Variants in AGXT2 observed in about 807,000 individuals in gnomAD.
AGXT2 encodes the protein alanine--glyoxylate aminotransferase 2, also known as alanine--glyoxylate aminotransferase 2, mitochondrial.
Under a neutral mutation model 62.5 loss-of-function variants are expected in AGXT2, and 61 were observed. The ratio of observed to expected loss-of-function variants is 0.98; its 90% CI spans 0.79 to 1.21. The LOEUF (loss-of-function observed/expected upper bound fraction) is 1.21, where lower values mean the gene tolerates loss of function less well. Ranked by LOEUF, AGXT2 falls within the 50% of genes most tolerant of loss-of-function variation. The probability of loss-of-function intolerance (pLI) is 0.00; values close to 1 mark genes in which losing one functional copy is unlikely to be tolerated. For missense variants in AGXT2, 666 were observed against 641.5 expected, an observed-to-expected ratio of 1.04 and a Z score of -0.41; for synonymous variants, 243 against 218.7, an observed-to-expected ratio of 1.11 and a Z score of -0.98.
intron 7 of AGXT2, among the ~76,000 whole-genome samples, chr5:35,028,612 AGAGAGAG>A (rs1561226844): frequency 2.0e-5 from 1 of 50,042 alleles, no homozygotes; most frequent in African/African-American, 9.9e-5. Context: ...AGAGAGAGAG[AGAGAGAG>A]AAATTCTTCT....
intron 11 of AGXT2, 49 bp from the exon 12 acceptor site, chr5:35,010,198 TTGAC>T: frequency 1.9e-6 from 3 of 1,611,636 alleles, no homozygotes; most frequent in Non-Finnish European, 2.5e-6. Context: ...AGTTCTAAGA[TTGAC>T]TGAGAATCGT....
At chr5:35,032,291 A>G (rs866997031) in intron 7 of AGXT2, among the ~76,000 whole-genome samples, 5 of 151,494 alleles carry the variant, frequency 3.3e-5, no homozygotes, top group South Asian at 2.1e-4. Flanking sequence ...GCAGTGGCAT[A>G]ATCATGAATC....
chr5:35,026,653 T>A, intron 7 of AGXT2, 143 bp from the exon 8 acceptor site: 7 of 974,008 alleles, frequency 7.2e-6, no homozygotes, highest in Non-Finnish European at 1.1e-5. Flanking sequence ...TACGGTAAAC[T>A]GGGGTGAGGA....
intron 9 of AGXT2, among the ~76,000 whole-genome samples, chr5:35,018,524 G>A (rs1371593155): frequency 6.6e-6 from 1 of 152,110 alleles, no homozygotes; most frequent in Non-Finnish European, 1.5e-5. Context: ...AGCAAATGCT[G>A]AGAGATTTTG....
At chr5:35,045,333 C>T (rs1054799501) in intron 1 of AGXT2, among the ~76,000 whole-genome samples, 7 of 152,186 alleles carry the variant, frequency 4.6e-5, no homozygotes, top group African/African-American at 1.7e-4. Context: ...CCCCTCCCCT[C>T]ACCCCCATTA....
intron 12 of AGXT2, among the ~76,000 whole-genome samples, chr5:35,007,959 C>T (rs1006591206): frequency 2.0e-5 from 3 of 152,104 alleles, no homozygotes; most frequent in African/African-American, 7.2e-5. Context: ...TGCTTTCTCT[C>T]TCTCTCTCTC....
Position 35,036,527 on chromosome 5 carries a change from G to A in AGXT2, c.486+415C>T, listed in dbSNP as rs566009399. On this transcript the variant is annotated intron_variant, in intron 4 of 13. Transcript: ENST00000231420. ...GGCACTTATTAAAAATGGTTTCACT[G>A]TTTGTAAAAGAAATGCAAATAACTT... Among the ~76,000 whole-genome samples the A allele has an allele frequency of 2.6e-5, 4 of 152,306 alleles. No individual in the cohort carries two copies. In the South Asian group the frequency reaches 6.2e-4, roughly 24 times the overall value.
intron 12 of AGXT2, among the ~76,000 whole-genome samples, chr5:35,008,725 T>G (rs1766518836): frequency 6.6e-6 from 1 of 152,250 alleles, no homozygotes; most frequent in African/African-American, 2.4e-5. Context: ...ACATGTGGTA[T>G]GAATTGAAGA....
Position 35,040,639 on chromosome 5 carries a change from G to T in AGXT2, c.113C>A (p.Thr38Asn). Residue 38 changes from threonine to asparagine, a missense_variant, in exon 2 of 14, where the codon ACC becomes AAC. Coordinates refer to ENST00000231420, the MANE Select transcript of AGXT2 (RefSeq NM_031900.4). ...GGGCTTTGTATGAAGACTGAGCTTG[G>T]TTACTGATGTCCGGGAAGTACCTAC... is the stretch of plus-strand genomic sequence containing the variant. ...LSLGTSRTSV[T>N]KLSLHTKPRM... 1.9e-6 allele frequency: 3 copies of T among 1,613,914 alleles called. No homozygotes were observed. The highest frequency in any genetic ancestry group is 2.5e-6 in the Non-Finnish European group (3 of 1,179,824).
At chr5:35,024,352 G>A (rs1767240614) in intron 9 of AGXT2, among the ~76,000 whole-genome samples, 1 of 152,104 alleles carries the variant, frequency 6.6e-6, no homozygotes. Context: ...ACATGGCTTC[G>A]GTGGCCCTAG....
chr5:35,013,782 C>CAA (rs10588573), intron 10 of AGXT2, among the ~76,000 whole-genome samples: 2 of 89,062 alleles, frequency 2.2e-5, no homozygotes, highest in Non-Finnish European at 2.2e-5. Flanking sequence ...GACTCTGTCT[C>CAA]AAAAAAAAAA....
intron 10 of AGXT2, among the ~76,000 whole-genome samples, chr5:35,013,608 TC>T (rs780201587): frequency 6.6e-6 from 1 of 151,768 alleles, no homozygotes; most frequent in Non-Finnish European, 1.5e-5. Flanking sequence ...ATGGTGAAAC[TC>T]CGTTTCTACT....
At chr5:35,039,867 G>A (rs1334198481) in intron 2 of AGXT2, among the ~76,000 whole-genome samples, 1 of 152,114 alleles carries the variant, frequency 6.6e-6, no homozygotes, top group African/African-American at 2.4e-5. Context: ...TTTTTGTTGT[G>A]GTAGTGTTTT....
intron 9 of AGXT2, among the ~76,000 whole-genome samples, chr5:35,018,336 A>G (rs1051221044): frequency 2.0e-5 from 3 of 152,210 alleles, no homozygotes; most frequent in Admixed American, 1.3e-4. Flanking sequence ...AGGTCAGGTT[A>G]CCCTCAAAGG....
chr5:35,013,865 TG>T, intron 10 of AGXT2, 121 bp downstream of exon 10: 2 of 1,419,480 alleles, frequency 1.4e-6, no homozygotes, highest in South Asian at 2.3e-5. Flanking sequence ...TTCATTTGCT[TG>T]GGAAATGCAT....
At chr5:35,016,691 C>T (rs982196278) in intron 9 of AGXT2, among the ~76,000 whole-genome samples, 3 of 152,170 alleles carry the variant, frequency 2.0e-5, no homozygotes, top group African/African-American at 2.4e-5. Context: ...CTTGCCCCAA[C>T]ATCTTATTGC....
chr5:35,039,173 T>C, intron 3 of AGXT2, 151 bp downstream of exon 3: 1 of 919,854 alleles, frequency 1.1e-6, no homozygotes, highest in Non-Finnish European at 1.7e-6. Context: ...CAAGATTTTG[T>C]ACTCAGGAAA....
intron 1 of AGXT2, among the ~76,000 whole-genome samples, chr5:35,045,383 G>T (rs1446784927): frequency 2.0e-5 from 3 of 151,870 alleles, no homozygotes; most frequent in Non-Finnish European, 4.4e-5. Flanking sequence ...TTTATTCATG[G>T]CATGTGTCTC....
intron 9 of AGXT2, among the ~76,000 whole-genome samples, chr5:35,018,042 G>A (rs547890442): frequency 3.3e-5 from 5 of 152,184 alleles, no homozygotes; most frequent in East Asian, 1.9e-4. Context: ...AAAAAGAAAC[G>A]AGCAAAGCCT....
Sources: allele counts gnomAD v4.1 joint callset (sites outside exome capture counted in the v4.1 genomes callset), GRCh38; gene constraint gnomAD v4.1.1; transcripts MANE v1.5; gene names NCBI Gene and HGNC (gene_info 2026-07-23, HGNC 2026-07-21).